The following DPY19L1 variants were observed in gnomAD, a reference collection of about 807,000 sequenced individuals.
DPY19L1 encodes protein C-mannosyl-transferase DPY19L1.
Under a neutral mutation model 96.9 loss-of-function variants are expected in DPY19L1, and 35 were observed. That is an observed-to-expected ratio of 0.36 (90% CI 0.28 to 0.48). The LOEUF (loss-of-function observed/expected upper bound fraction) is 0.48, where lower values mean the gene tolerates loss of function less well. DPY19L1 is among the 20% of genes least tolerant of loss of function. The pLI is 0.99. For synonymous variants in DPY19L1, 205 were observed against 252.6 expected (o/e 0.81, Z 1.79); for missense variants, 521 against 777.9 (o/e 0.67, Z 3.93).
intron 10 of DPY19L1, among the ~76,000 whole-genome samples, chr7:34,959,182 T>C (rs1427694236): frequency 6.6e-6 from 1 of 152,178 alleles, no homozygotes; most frequent in Non-Finnish European, 1.5e-5. Flanking sequence ...CTCATGCCAG[T>C]TAGAATGGCG....
intron 10 of DPY19L1, among the ~76,000 whole-genome samples, chr7:34,964,786 A>AAT (rs2128666499): frequency 6.6e-6 from 1 of 152,302 alleles, no homozygotes; most frequent in African/African-American, 2.4e-5. Flanking sequence ...CATCAACATA[A>AAT]ATAACAAAAA....
At chr7:35,037,776 C>T, upstream of DPY19L1, 1 of 1,170,646 alleles carries the variant, frequency 8.5e-7, no homozygotes, top group Non-Finnish European at 1.1e-6. Flanking sequence ...GGACTTCCGG[C>T]GCAGGCGGGG....
At chr7:34,981,702 A>G (rs1218734095) in intron 7 of DPY19L1, among the ~76,000 whole-genome samples, 2 of 152,128 alleles carry the variant, frequency 1.3e-5, no homozygotes, top group Non-Finnish European at 2.9e-5. Context: ...TGTAATCCCA[A>G]CACTTTGGGA....
At chr7:34,959,911 A>AAATATATATATTTATT (rs1449610827) in intron 10 of DPY19L1, among the ~76,000 whole-genome samples, 1 of 134,538 alleles carries the variant, frequency 7.4e-6, no homozygotes, top group Admixed American at 7.3e-5. Context: ...ATATATATAT[A>AAATATATATATTTATT]TATATATATA....
At position 35,037,436 on chromosome 7, in the gene DPY19L1, C is replaced by G. The variant is rs940020790; in HGVS notation, c.-42G>C. On this transcript the variant is annotated 5_prime_UTR_variant, in exon 1 of 22. Coordinates refer to ENST00000638088, the MANE Select transcript of DPY19L1 (RefSeq NM_001366673.1). ...CCGCTCGCTGCGCGCGCCCGGACGG[C>G]GGCCAGAGAACGGCGGGCTGGCTGG... The G allele has an allele frequency of 1.3e-5, 4 of 316,608 alleles. No individual in the cohort carries two copies. Among genetic ancestry groups the G allele is most frequent in the African/African-American group, 2.2e-5 (1 of 45,180 alleles). 19.6% of individuals were successfully genotyped at this position (316,608 alleles called of 1,614,324 possible). A position where few individuals can be genotyped will look rare whatever the true frequency, so the allele number is the denominator to read the frequency against.
At chr7:35,035,795 C>T (rs1584268794) in intron 1 of DPY19L1, among the ~76,000 whole-genome samples, 1 of 152,166 alleles carries the variant, frequency 6.6e-6, no homozygotes. Context: ...CCAAACTGAA[C>T]CGCTGTGTAC....
chr7:34,990,001 C>T, intron 6 of DPY19L1, 60 bp from the exon 7 acceptor site: 1 of 1,387,584 alleles, frequency 7.2e-7, no homozygotes, highest in Non-Finnish European at 1.0e-6. Flanking sequence ...TAAGAAAAAC[C>T]TTAAAACACA....
intron 8 of DPY19L1, among the ~76,000 whole-genome samples, chr7:34,969,909 T>C (rs1784689418): frequency 6.6e-6 from 1 of 152,172 alleles, no homozygotes; most frequent in Admixed American, 6.5e-5. Context: ...TGCTAAGTAT[T>C]AGGCAGACAA....
At chr7:34,933,313 A>G (rs1039582356) in intron 21 of DPY19L1, among the ~76,000 whole-genome samples, 14 of 152,188 alleles carry the variant, frequency 9.2e-5, no homozygotes, top group African/African-American at 3.1e-4. Flanking sequence ...TCCCGAGTCC[A>G]CAGTCCGTAC....
chr7:35,030,053 G>A (rs1474620656), intron 1 of DPY19L1, among the ~76,000 whole-genome samples: 2 of 152,096 alleles, frequency 1.3e-5, no homozygotes, highest in African/African-American at 4.8e-5. Context: ...TGAAAGATGA[G>A]AAAAGAGTGA....
chr7:35,030,905 A>G (rs996915052), intron 1 of DPY19L1, among the ~76,000 whole-genome samples: 1 of 152,148 alleles, frequency 6.6e-6, no homozygotes, highest in African/African-American at 2.4e-5. Flanking sequence ...CCAGATATAG[A>G]CGTAATTTTT....
intron 8 of DPY19L1, among the ~76,000 whole-genome samples, chr7:34,973,234 CAGA>C (rs899811689): frequency 3.3e-5 from 5 of 151,956 alleles, no homozygotes; most frequent in Non-Finnish European, 5.9e-5. Flanking sequence ...ACAGTGGTAA[CAGA>C]AGAAGACTTG....
chr7:34,936,499 C>T (rs1271937067), intron 21 of DPY19L1, among the ~76,000 whole-genome samples: 1 of 152,156 alleles, frequency 6.6e-6, no homozygotes, highest in Non-Finnish European at 1.5e-5. Flanking sequence ...AAGAAGATCC[C>T]CATTCTGGTA....
At chr7:34,953,978 T>C (rs543377282) in intron 13 of DPY19L1, among the ~76,000 whole-genome samples, 3 of 152,236 alleles carry the variant, frequency 2.0e-5, no homozygotes, top group African/African-American at 4.8e-5. Flanking sequence ...TTCAAAACCA[T>C]AGCATTAATC....
At chr7:35,036,341 G>A (rs1245053540) in intron 1 of DPY19L1, among the ~76,000 whole-genome samples, 6 of 151,918 alleles carry the variant, frequency 3.9e-5, no homozygotes, top group African/African-American at 7.3e-5. Context: ...GCTACAACTT[G>A]CCTTATCAAA....
At position 34,947,805 on chromosome 7, in the gene DPY19L1, A is replaced by G. The variant is rs1300426769; in HGVS notation, c.1423-104T>C. On this transcript the variant is annotated intron_variant, in intron 14 of 21. Coordinates refer to ENST00000638088, the MANE Select transcript of DPY19L1 (RefSeq NM_001366673.1). ...AATTTCTGAAAGTAGAGAAATATGA[A>G]CATTCACCAATCTACTCACTGACTG... 4 of 886,346 alleles carry G rather than the reference A, an allele frequency of 4.5e-6. No individual in the cohort carries two copies. The African/African-American group carries it at 6.9e-5, about 15-fold the overall frequency. 54.9% of individuals were successfully genotyped at this position (886,346 alleles called of 1,614,324 possible).
intron 1 of DPY19L1, among the ~76,000 whole-genome samples, chr7:35,022,906 C>T (rs1480461659): frequency 6.6e-6 from 1 of 152,182 alleles, no homozygotes; most frequent in African/African-American, 2.4e-5. Context: ...AGGTCCCGGT[C>T]CCGGACGCCT....
chr7:34,934,098 G>A (rs1198249903), intron 21 of DPY19L1, among the ~76,000 whole-genome samples: 1 of 151,986 alleles, frequency 6.6e-6, no homozygotes, highest in Admixed American at 6.5e-5. Context: ...TGAGTAGCTG[G>A]GATTACAGGT....
chr7:34,958,116 A>T, intron 10 of DPY19L1, 46 bp from the exon 11 acceptor site: 1 of 1,368,172 alleles, frequency 7.3e-7, no homozygotes. Flanking sequence ...CATAAAACAA[A>T]AAACCTTTGT....
Sources: allele counts gnomAD v4.1 joint callset (sites outside exome capture counted in the v4.1 genomes callset), GRCh38; gene constraint gnomAD v4.1.1; transcripts MANE v1.5; gene names NCBI Gene and HGNC (gene_info 2026-07-23, HGNC 2026-07-21).